CNTNAP5: variants seen among roughly 807,000 people sequenced by gnomAD.
CNTNAP5 encodes the protein contactin associated protein family member 5, also known as contactin-associated protein-like 5.
In CNTNAP5, 72 loss-of-function variants were observed where a neutral mutation model predicts 150.2. The ratio of observed to expected loss-of-function variants is 0.48; its 90% CI spans 0.40 to 0.58. The LOEUF (loss-of-function observed/expected upper bound fraction) is 0.58. Ranked by LOEUF, CNTNAP5 falls within the 20% of genes least tolerant of loss-of-function variation. The pLI, the probability that CNTNAP5 is intolerant of heterozygous loss-of-function variation, is 0.00. For missense variants in CNTNAP5, 1,636 were observed against 1,626.2 expected, an observed-to-expected ratio of 1.01 and a Z score of -0.10; for synonymous variants, 672 against 619.8, an observed-to-expected ratio of 1.08 and a Z score of -1.25.
At chr2:124,792,682 C>T (rs1419656704) in intron 18 of CNTNAP5, among the ~76,000 whole-genome samples, 3 of 152,170 alleles carry the variant, frequency 2.0e-5, no homozygotes, top group Non-Finnish European at 2.9e-5. Context: ...AGCCACTTCC[C>T]AGTTACCTCT....
At chr2:124,414,718 T>TGTGC (rs763352798) in intron 3 of CNTNAP5, among the ~76,000 whole-genome samples, 110 of 146,760 alleles carry the variant, frequency 7.5e-4, no homozygotes, top group African/African-American at 2.6e-3. Flanking sequence ...TGTATGTGTG[T>TGTGC]GTGCGTGTGT....
At chr2:124,583,457 C>T (rs1266032777) in intron 11 of CNTNAP5, among the ~76,000 whole-genome samples, 1 of 152,172 alleles carries the variant, frequency 6.6e-6, no homozygotes, top group Non-Finnish European at 1.5e-5. Context: ...AGAAGTGTAA[C>T]AGTGGGAAGG....
intron 13 of CNTNAP5, among the ~76,000 whole-genome samples, chr2:124,716,125 C>G (rs1679940092): frequency 6.6e-6 from 1 of 152,048 alleles, no homozygotes; most frequent in South Asian, 2.1e-4. Context: ...GGACAATTAT[C>G]TTAAAATTAT....
At chr2:124,442,353 A>G (rs765424890) in intron 5 of CNTNAP5, among the ~76,000 whole-genome samples, 1 of 152,206 alleles carries the variant, frequency 6.6e-6, no homozygotes, top group Non-Finnish European at 1.5e-5. Context: ...GGTCCCAATC[A>G]TGTACTTAGA....
At chr2:124,813,238 G>A (rs549295747) in intron 19 of CNTNAP5, among the ~76,000 whole-genome samples, 83 of 151,678 alleles carry the variant, frequency 5.5e-4, no homozygotes, top group Non-Finnish European at 1.0e-3. Flanking sequence ...CACCATGTCC[G>A]GTTAATTTTT....
intron 3 of CNTNAP5, among the ~76,000 whole-genome samples, chr2:124,303,230 A>G (rs532082637): frequency 3.9e-5 from 6 of 152,218 alleles, no homozygotes; most frequent in African/African-American, 1.4e-4. Flanking sequence ...GGCAGAAACC[A>G]AGTATCACTC....
At chr2:124,801,193 T>C (rs1315455399) in intron 19 of CNTNAP5, among the ~76,000 whole-genome samples, 1 of 152,138 alleles carries the variant, frequency 6.6e-6, no homozygotes, top group Non-Finnish European at 1.5e-5. Context: ...ATTAACTCTG[T>C]GGGTAATTAC....
In CNTNAP5 at chr2:124,883,688, G is replaced by A. The variant is rs775635446; in HGVS notation, c.3436+13926G>A. ...TGTGTATGTTTGCATTTGTCCATGT[G>A]TGTACACATATTGGTACATGTACAC... is the stretch of plus-strand genomic sequence containing the variant. On this transcript the variant is annotated intron_variant, in intron 21 of 23. Coordinates refer to ENST00000682447, the MANE Select transcript of CNTNAP5 (RefSeq NM_001367498.1). 2.0e-5 allele frequency among the ~76,000 whole-genome samples: 3 copies of A among 152,176 alleles called. 1 individual carries two copies. Among genetic ancestry groups the A allele is most frequent in the Non-Finnish European group, 4.4e-5 (3 of 67,994 alleles).
chr2:124,743,053 A>T (rs944530255), intron 13 of CNTNAP5, among the ~76,000 whole-genome samples: 2 of 152,170 alleles, frequency 1.3e-5, no homozygotes, highest in Non-Finnish European at 2.9e-5. Flanking sequence ...ACATGCAGGC[A>T]GCTGGGGGAT....
intron 21 of CNTNAP5, among the ~76,000 whole-genome samples, chr2:124,885,600 C>A (rs2444590): frequency 0.01 from 1,532 of 149,266 alleles, 34 homozygotes; most frequent in African/African-American, 0.036. Flanking sequence ...ACTCAGTACC[C>A]ATTAAACAGT....
chr2:124,685,404 T>G (rs1382250747), intron 13 of CNTNAP5, among the ~76,000 whole-genome samples: 3 of 152,108 alleles, frequency 2.0e-5, no homozygotes, highest in Non-Finnish European at 4.4e-5. Context: ...CCTATAGAAA[T>G]ATTTGTGTCA....
intron 3 of CNTNAP5, among the ~76,000 whole-genome samples, chr2:124,278,476 G>T (rs1035770353): frequency 6.6e-6 from 1 of 152,088 alleles, no homozygotes; most frequent in Admixed American, 6.6e-5. Context: ...CCCATCATGG[G>T]TTCACTTTCT....
intron 1 of CNTNAP5, among the ~76,000 whole-genome samples, chr2:124,211,472 A>G (rs1446696098): frequency 6.6e-6 from 1 of 152,106 alleles, no homozygotes; most frequent in Non-Finnish European, 1.5e-5. Flanking sequence ...ATCTGAATTC[A>G]GACTGGTCTG....
rs561561893 is a variant in CNTNAP5 at position 124,875,711 on chromosome 2, T to C, written c.3436+5949T>C. Among the ~76,000 whole-genome samples the C allele has an allele frequency of 2.8e-3, 427 of 151,526 alleles. 2 individuals are homozygous for C. Among genetic ancestry groups the C allele is most frequent in the African/African-American group, 9.3e-3 (385 of 41,362 alleles). On this transcript the variant is annotated intron_variant, in intron 21 of 23. Transcript: ENST00000682447. ...AGAACCATGAGGGTTTTTTTTTTTTTTTTTCTGTTTTCTTTTTTGTTAATG... is the reference window on the plus strand; with the variant it reads ...AGAACCATGAGGGTTTTTTTTTTTTCTTTTCTGTTTTCTTTTTTGTTAATG...
intron 11 of CNTNAP5, among the ~76,000 whole-genome samples, chr2:124,608,869 C>T (rs1044375518): frequency 3.3e-5 from 5 of 151,222 alleles, no homozygotes; most frequent in African/African-American, 4.9e-5. Flanking sequence ...CTCTTGAACC[C>T]GGGAGGCGAG....
At position 124,834,556 on chromosome 2, in the gene CNTNAP5, A is replaced by G. The variant is rs115755916; in HGVS notation, c.3218-30750A>G. 5.4e-3 allele frequency among the ~76,000 whole-genome samples: 817 copies of G among 152,188 alleles called. 14 individuals carry two copies. Among genetic ancestry groups the G allele is most frequent in the African/African-American group, 0.018 (758 of 41,522 alleles). ...GAAGGCCTCTGCAAGCTGCCAGAAC[A>G]CATTTCTTGTTTAATGGCAATGGAG... On this transcript the variant is annotated intron_variant, in intron 19 of 23. Coordinates refer to ENST00000682447, the MANE Select transcript of CNTNAP5 (RefSeq NM_001367498.1).
intron 19 of CNTNAP5, among the ~76,000 whole-genome samples, chr2:124,813,619 C>T (rs1682287663): frequency 6.6e-6 from 1 of 151,072 alleles, no homozygotes; most frequent in Admixed American, 6.6e-5. Flanking sequence ...TGAACTCAAG[C>T]TCTACCTCAA....
chr2:124,707,700 C>G (rs936365314), intron 13 of CNTNAP5, among the ~76,000 whole-genome samples: 1 of 152,120 alleles, frequency 6.6e-6, no homozygotes, highest in African/African-American at 2.4e-5. Flanking sequence ...TGACATCTAA[C>G]AAACCTAACA....
chr2:124,504,703 ATTTTTTT>A (rs34518488), intron 8 of CNTNAP5, 147 bp downstream of exon 8: 54 of 370,624 alleles, frequency 1.5e-4, no homozygotes, highest in Middle Eastern at 7.9e-4. Context: ...AAGAGGCAGC[ATTTTTTT>A]TTTTTTTTTT....
Sources: gnomAD v4.1 joint callset for allele counts (sites outside exome capture counted in the v4.1 genomes callset) on GRCh38, gnomAD v4.1.1 for gene constraint, MANE v1.5 for transcripts, NCBI Gene and HGNC (gene_info 2026-07-23, HGNC 2026-07-21) for gene names.